Variants in SECTM1 observed in about 807,000 individuals in gnomAD.
SECTM1 encodes secreted and transmembrane 1, also known as secreted and transmembrane protein 1.
A neutral mutation model predicts 18.1 loss-of-function variants in SECTM1; 10 were observed. That is an observed-to-expected ratio of 0.55 (90% confidence interval 0.34 to 0.94). The LOEUF (loss-of-function observed/expected upper bound fraction) is 0.94, where lower values mean the gene tolerates loss of function less well. SECTM1 is among the 40% of genes least tolerant of loss of function. The probability of loss-of-function intolerance (pLI) is 0.02; values close to 1 mark genes in which losing one functional copy is unlikely to be tolerated. For missense variants in SECTM1, 297 were observed against 322.6 expected (o/e 0.92, Z 0.61); for synonymous variants, 137 against 139.2 (o/e 0.98, Z 0.11).
In SECTM1 at chr17:82,325,567, G is replaced by A. The variant is rs949524169; in HGVS notation, c.95-677C>T. ...TCCATACACAGCTCCACAGTCCTGGGAGGTCAAGTCCTTGACACAAGCCGG... is the reference window on the plus strand; with the variant it reads ...TCCATACACAGCTCCACAGTCCTGGAAGGTCAAGTCCTTGACACAAGCCGG... On this transcript the variant is annotated intron_variant, in intron 2 of 4. Coordinates refer to ENST00000269389, the MANE Select transcript of SECTM1 (RefSeq NM_003004.3). The surrounding 1 kb of genome is among the most constrained non-coding windows in gnomAD (Gnocchi z 7.6). Among the ~76,000 whole-genome samples, 2 of 152,232 alleles carry A rather than the reference G, an allele frequency of 1.3e-5. No homozygotes were observed. Among genetic ancestry groups the A allele is most frequent in the Non-Finnish European group, 2.9e-5 (2 of 68,034 alleles).
rs1033573026 is a variant in SECTM1, at chr17:82,325,720, G to A, written c.95-830C>T. The stretch of plus-strand genomic sequence containing the variant: ...CTCAAGGATGCCTGAGATTCAGGCC[G>A]TCGGGCCCGAGCATGGTACCAGCCT... On this transcript the variant is annotated intron_variant, in intron 2 of 4. Transcript: ENST00000269389. The surrounding 1 kb of genome is among the most constrained non-coding windows in gnomAD (Gnocchi z 7.6). 6.6e-5 allele frequency among the ~76,000 whole-genome samples: 10 copies of A among 152,226 alleles called. No homozygotes were observed. Among genetic ancestry groups the A allele is most frequent in the African/African-American group, 1.7e-4 (7 of 41,464 alleles).
chr17:82,331,986 A>G (rs2147271876), intron 1 of SECTM1, among the ~76,000 whole-genome samples: 1 of 151,912 alleles, frequency 6.6e-6, no homozygotes, highest in Non-Finnish European at 1.5e-5. Context: ...CTAAAAATAC[A>G]AAAAAATTAG....
chr17:82,323,095 T>A, intron 3 of SECTM1, 84 bp from the exon 4 acceptor site: 1 of 1,421,452 alleles, frequency 7.0e-7, no homozygotes, highest in Non-Finnish European at 9.6e-7. Flanking sequence ...AGCCTCCTCC[T>A]CCTACACACT....
chr17:82,324,582 C>T lies in SECTM1; in HGVS notation c.403G>A (p.Gly135Ser). The T allele has an allele frequency of 6.3e-7, 1 of 1,599,044 alleles. No individual in the cohort carries two copies. The highest frequency in any genetic ancestry group is 1.7e-5 in the Admixed American group (1 of 59,728). Residue 135 changes from glycine to serine, a missense_variant and splice_region_variant, in exon 3 of 5, where the codon GGT becomes AGT. Coordinates refer to ENST00000269389, the MANE Select transcript of SECTM1 (RefSeq NM_003004.3). ...NNRQVTLEVS[G>S]AEPQSAPDTG... The stretch of plus-strand genomic sequence containing the variant: ...CTTGCTTCCCCGAGCCTCCCCTCAC[C>T]TGAAACCTCCAGCGTGACTTGTCTG...
chr17:82,322,223 G>C lies in SECTM1; in HGVS notation c.685C>G (p.Pro229Ala). The C allele has an allele frequency of 6.2e-7, 1 of 1,612,970 alleles. No individual in the cohort carries two copies. Among genetic ancestry groups the C allele is most frequent in the Non-Finnish European group, 8.5e-7 (1 of 1,179,386 alleles). Reference protein sequence around the residue: ...RPLALVFKPSPLGALELLSPQ... With the variant: ...RPLALVFKPSALGALELLSPQ... ...GACAGCAGCTCCAGGGCTCCAAGTGGTGAGGGTTTGAACACCAGTGCCAGC... is the reference window on the plus strand; with the variant it reads ...GACAGCAGCTCCAGGGCTCCAAGTGCTGAGGGTTTGAACACCAGTGCCAGC... The change falls in exon 5 of 5, where the codon CCA becomes GCA. Residue 229 changes from proline (P) to alanine (A), a missense_variant. Pro to Ala is a conservative substitution (Grantham distance 27). Transcript: ENST00000269389.
Position 82,324,653 on chromosome 17 carries a change from T to C in SECTM1, c.332A>G (p.His111Arg). The change falls in exon 3 of 5, where the codon CAT (histidine) becomes CGT (arginine). Residue 111 changes from histidine to arginine, a missense_variant. Coordinates refer to ENST00000269389, the MANE Select transcript of SECTM1 (RefSeq NM_003004.3). The part of the protein sequence containing the change: ...QLVIKGARDS[H>R]AGLYMWHLVG... ...GAGGTGCCACATGTACAGCCCAGCA[T>C]GGGAGTCCCGGGCGCCTTTGATCAC... 1 of 1,613,744 alleles carries C rather than the reference T, an allele frequency of 6.2e-7. No homozygotes were observed. The highest frequency in any genetic ancestry group is 8.5e-7 in the Non-Finnish European group (1 of 1,179,942).
At chr17:82,331,296 G>A (rs565106145) in intron 1 of SECTM1, among the ~76,000 whole-genome samples, 25 of 152,282 alleles carry the variant, frequency 1.6e-4, no homozygotes, top group African/African-American at 5.5e-4. Context: ...GGAGGAGAGC[G>A]GCAGGTCTGG....
intron 1 of SECTM1, among the ~76,000 whole-genome samples, chr17:82,327,953 C>G (rs555888205): frequency 3.2e-5 from 4 of 126,956 alleles, no homozygotes; most frequent in Non-Finnish European, 5.1e-5. Flanking sequence ...CCAGCCCCCC[C>G]ACCCTGCCCG....
At chr17:82,327,932 C>A (rs1006507722) in intron 1 of SECTM1, among the ~76,000 whole-genome samples, 22 of 145,170 alleles carry the variant, frequency 1.5e-4, no homozygotes, top group Admixed American at 7.6e-4. Context: ...GCGGCCCCCC[C>A]AGCCCGTCCA....
chr17:82,332,546 C>T (rs747624116), intron 1 of SECTM1, among the ~76,000 whole-genome samples: 2 of 152,200 alleles, frequency 1.3e-5, no homozygotes, highest in African/African-American at 4.8e-5. Context: ...TGCAGGGGCT[C>T]AGGGAACACA....
chr17:82,323,404 C>A (rs911685737), intron 3 of SECTM1: 14 of 195,800 alleles, frequency 7.2e-5, no homozygotes, highest in Admixed American at 5.3e-4. Flanking sequence ...ATGCCTGAGC[C>A]CAGGAAGGGC....
chr17:82,333,496 A>G (rs946764406), intron 1 of SECTM1, among the ~76,000 whole-genome samples: 11 of 147,992 alleles, frequency 7.4e-5, no homozygotes, highest in Non-Finnish European at 1.5e-4. Context: ...TCCCAGAGGC[A>G]GAGGCGCCGC....
In SECTM1 at chr17:82,321,902, G is replaced by T. The variant is rs1393457211; in HGVS notation, c.*259C>A. On this transcript the variant is annotated 3_prime_UTR_variant, in exon 5 of 5. Coordinates refer to ENST00000269389, the MANE Select transcript of SECTM1 (RefSeq NM_003004.3). ...GTCTGTGGGTTTGATGAGGGCAGAG[G>T]GAGGGGCATGCGTCCTGGTAAGTCG... 3.5e-5 allele frequency: 18 copies of T among 507,044 alleles called. No homozygotes were observed. Among genetic ancestry groups the T allele is most frequent in the East Asian group, 2.7e-4 (7 of 26,220 alleles). 31.4% of individuals were successfully genotyped at this position (507,044 alleles called of 1,614,324 possible). A position where few individuals can be genotyped will look rare whatever the true frequency, so the allele number is the denominator to read the frequency against.
In SECTM1 at chr17:82,321,697, C is replaced by G. The variant is rs11575029; in HGVS notation, c.*464G>C. On this transcript the variant is annotated 3_prime_UTR_variant, in exon 5 of 5. Coordinates refer to ENST00000269389, the MANE Select transcript of SECTM1 (RefSeq NM_003004.3). ...CCCCGGGGCTGCCGCGGAAGGGCCC[C>G]CAAAGCCTGCTCATAGCCAAGGGAC... is the stretch of plus-strand genomic sequence containing the variant. 2.8e-3 allele frequency: 434 copies of G among 156,500 alleles called. 9 individuals carry two copies. Among genetic ancestry groups the G allele is most frequent in the Non-Finnish European group, 3.3e-3 (235 of 70,332 alleles). 9.7% of individuals were successfully genotyped at this position (156,500 alleles called of 1,614,324 possible).
At position 82,322,858 on chromosome 17, in the gene SECTM1, T is replaced by C. The variant is rs778665807; in HGVS notation, c.537+20A>G. On this transcript the variant is annotated intron_variant, in intron 4 of 4. Coordinates refer to ENST00000269389, the MANE Select transcript of SECTM1 (RefSeq NM_003004.3). ...CCAAGACTCCCCACCCCGCACAAAC[T>C]GGGGTGCAGGGCCTCCTACCTCCCG... 4.1e-5 allele frequency: 66 copies of C among 1,611,794 alleles called. No individual in the cohort carries two copies. Among genetic ancestry groups the C allele is most frequent in the Non-Finnish European group, 5.3e-5 (63 of 1,179,124 alleles).
rs534773286 is a variant in SECTM1, at chr17:82,325,843, G to A, written c.95-953C>T. ...CAGACGGACGGCAGGGTGAGCTCTC[G>A]GGGAGCACACAGCATGCTGGTTGGA... On this transcript the variant is annotated intron_variant, in intron 2 of 4. Coordinates refer to ENST00000269389, the MANE Select transcript of SECTM1 (RefSeq NM_003004.3). The surrounding 1 kb of genome is among the most constrained non-coding windows in gnomAD (Gnocchi z 7.6). Among the ~76,000 whole-genome samples, 18 of 152,344 alleles carry A rather than the reference G, an allele frequency of 1.2e-4. No homozygotes were observed. Among genetic ancestry groups the A allele is most frequent in the South Asian group, 8.3e-4 (4 of 4,828 alleles).
In SECTM1 at chr17:82,330,191, G is replaced by A. The variant is rs979114793; in HGVS notation, c.-52-2899C>T. 1.3e-5 allele frequency among the ~76,000 whole-genome samples: 2 copies of A among 152,280 alleles called. No individual in the cohort carries two copies. The highest frequency in any genetic ancestry group is 4.8e-5 in the African/African-American group (2 of 41,558). On this transcript the variant is annotated intron_variant, in intron 1 of 4. Transcript: ENST00000269389. The surrounding 1 kb of genome is among the most constrained non-coding windows in gnomAD (Gnocchi z 6.1). ...GTGCAGATGGACAGCAGGGAGGGTC[G>A]GGGCTGCTGGGGGCTCCCCCACTGC... is the stretch of plus-strand genomic sequence containing the variant.
At position 82,325,305 on chromosome 17, in the gene SECTM1, G is replaced by A. The variant is rs1386583893; in HGVS notation, c.95-415C>T. 1.3e-5 allele frequency among the ~76,000 whole-genome samples: 2 copies of A among 152,176 alleles called. No homozygotes were observed. Among genetic ancestry groups the A allele is most frequent in the Non-Finnish European group, 2.9e-5 (2 of 68,024 alleles). On this transcript the variant is annotated intron_variant, in intron 2 of 4. Coordinates refer to ENST00000269389, the MANE Select transcript of SECTM1 (RefSeq NM_003004.3). This position sits in a 1 kb window ranked among gnomAD's most constrained non-coding sequence, Gnocchi z 7.6. ...AATCACCCTCCTCGTGGGAAGCAGTGGCCAGGCCCCACCGCCCCCAGCTCC... is the reference window on the plus strand; with the variant it reads ...AATCACCCTCCTCGTGGGAAGCAGTAGCCAGGCCCCACCGCCCCCAGCTCC...
intron 1 of SECTM1, among the ~76,000 whole-genome samples, chr17:82,331,547 TA>T (rs1261586689): frequency 6.6e-6 from 1 of 152,214 alleles, no homozygotes; most frequent in African/African-American, 2.4e-5. Context: ...ACACTTATAT[TA>T]AAACACGATT....
Sources: gnomAD v4.1 joint callset for allele counts (sites outside exome capture counted in the v4.1 genomes callset) on GRCh38, gnomAD v4.1.1 for gene constraint, Gnocchi (gnomAD v3.1) non-coding constraint, MANE v1.5 for transcripts, NCBI Gene and HGNC (gene_info 2026-07-23, HGNC 2026-07-21) for gene names.